The following PLXNA4 variants were observed in gnomAD, a reference collection of about 807,000 sequenced individuals.
PLXNA4 encodes plexin-A4.
Under a neutral mutation model 191.8 loss-of-function variants are expected in PLXNA4, and 44 were observed. The observed-to-expected ratio is 0.23, with a 90% CI of 0.18 to 0.29. PLXNA4 has a LOEUF of 0.29. PLXNA4 is among the 10% of genes least tolerant of loss of function. The pLI is 1.00. For synonymous variants in PLXNA4, 1,082 were observed against 1,009.5 expected, an observed-to-expected ratio of 1.07 and a Z score of -1.36; for missense variants, 1,800 against 2,488.8, an observed-to-expected ratio of 0.72 and a Z score of 5.89.
At chr7:132,132,057 C>T (rs540110048) in intron 31 of PLXNA4, among the ~76,000 whole-genome samples, 1 of 152,376 alleles carries the variant, frequency 6.6e-6, no homozygotes, top group African/African-American at 2.4e-5. Context: ...GGCTATGCTG[C>T]TGCTCAGATG....
chr7:132,546,463 AG>A (rs2116538766), intron 1 of PLXNA4, among the ~76,000 whole-genome samples: 1 of 152,298 alleles, frequency 6.6e-6, no homozygotes, highest in African/African-American at 2.4e-5. Flanking sequence ...CTCTGGTGAA[AG>A]CCATTTGTAA....
chr7:132,615,402 T>C (rs756812442), intron 2 of PLXNA4, among the ~76,000 whole-genome samples: 66 of 152,160 alleles, frequency 4.3e-4, no homozygotes, highest in Non-Finnish European at 8.4e-4. Context: ...CCCCCGCCCC[T>C]GGCGGAGGGG....
chr7:132,507,877 C>T lies in PLXNA4; in HGVS notation c.817G>A (p.Glu273Lys). 6.2e-7 allele frequency: 1 copy of T among 1,614,142 alleles called. No homozygotes were observed. The highest frequency in any genetic ancestry group is 8.5e-7 in the Non-Finnish European group (1 of 1,180,034). Residue 273 changes from glutamate (E) to lysine (K), a missense_variant, in exon 2 of 32, where the codon GAG becomes AAG. Physicochemically the swap from Glu to Lys is moderately conservative, Grantham distance 56. This residue lies in a region of PLXNA4 where 1,397 missense variants were observed against 1,880.4 expected (regional missense o/e 0.74). Coordinates refer to ENST00000321063, the MANE Select transcript of PLXNA4 (RefSeq NM_020911.2). The stretch of plus-strand genomic sequence containing the variant: ...ACGAGCTTGGATGTATACACCTGCT[C>T]CTTGGTGGTGGAGCCTGGTGGAGAC... ...MVSPPGSTTK[E>K]QVYTSKLVRL...
At chr7:132,491,643 A>AG (rs1797806596) in intron 2 of PLXNA4, among the ~76,000 whole-genome samples, 1 of 151,670 alleles carries the variant, frequency 6.6e-6, no homozygotes, top group African/African-American at 2.4e-5. Context: ...AAAGAAAAAA[A>AG]AAAAGAAAAA....
intron 1 of PLXNA4, among the ~76,000 whole-genome samples, chr7:132,555,056 A>AACAAAAAAAAAAAC (rs1800736220): frequency 6.7e-6 from 1 of 150,316 alleles, no homozygotes; most frequent in African/African-American, 2.5e-5. Context: ...AAAAAAAAAA[A>AACAAAAAAAAAAAC]CAAAAAAAAA....
intron 3 of PLXNA4, among the ~76,000 whole-genome samples, chr7:132,487,590 A>G (rs1015104034): frequency 1.3e-5 from 2 of 152,208 alleles, no homozygotes; most frequent in African/African-American, 4.8e-5. Context: ...GTCAGACACA[A>G]TTTCAGAGTT....
intron 2 of PLXNA4, among the ~76,000 whole-genome samples, chr7:132,490,220 T>C (rs1214052045): frequency 6.6e-6 from 1 of 152,154 alleles, no homozygotes; most frequent in Non-Finnish European, 1.5e-5. Context: ...CTTCCCAAAG[T>C]GCCATCCATG....
chr7:132,199,288 C>A (rs981491001), intron 12 of PLXNA4, among the ~76,000 whole-genome samples: 2 of 152,174 alleles, frequency 1.3e-5, no homozygotes, highest in African/African-American at 2.4e-5. Context: ...TGTGATAAAA[C>A]CTACAACTGT....
At chr7:132,263,524 C>T (rs1245794474) in intron 4 of PLXNA4, among the ~76,000 whole-genome samples, 1 of 152,210 alleles carries the variant, frequency 6.6e-6, no homozygotes, top group Non-Finnish European at 1.5e-5. Context: ...GTTCTGAGAG[C>T]TTGTCACACT....
rs114363486 is a variant in PLXNA4, at chr7:132,609,331, C to T, written c.-87+36597G>A. ...TGTTTCCAAAATGTGTCCATGGCTGCTTGGAAGTATGTGAGTTGCTCCATC... is the reference window on the plus strand; with the variant it reads ...TGTTTCCAAAATGTGTCCATGGCTGTTTGGAAGTATGTGAGTTGCTCCATC... On this transcript the variant is annotated intron_variant, in intron 2 of 4. Transcript: ENST00000378539. 2.9e-3 allele frequency among the ~76,000 whole-genome samples: 445 copies of T among 152,104 alleles called. 4 individuals are homozygous for T. Among genetic ancestry groups the T allele is most frequent in the African/African-American group, 0.01 (426 of 41,506 alleles).
intron 4 of PLXNA4, among the ~76,000 whole-genome samples, chr7:132,291,132 C>T (rs533659493): frequency 1.2e-4 from 19 of 152,210 alleles, no homozygotes; most frequent in Admixed American, 4.6e-4. Context: ...CCTGGCAGCC[C>T]GTCCGGTGTC....
intron 3 of PLXNA4, among the ~76,000 whole-genome samples, chr7:132,420,448 T>C (rs980077097): frequency 3.3e-5 from 5 of 152,186 alleles, no homozygotes; most frequent in Non-Finnish European, 5.9e-5. Flanking sequence ...CCTTGGTACC[T>C]AGCCTCAGGC....
intron 3 of PLXNA4, among the ~76,000 whole-genome samples, chr7:132,407,771 T>A (rs1268891052): frequency 6.6e-6 from 1 of 152,234 alleles, no homozygotes; most frequent in Non-Finnish European, 1.5e-5. Flanking sequence ...TAAATGAAAC[T>A]GTTTATTCAT....
intron 28 of PLXNA4, among the ~76,000 whole-genome samples, chr7:132,145,742 T>C (rs1795407507): frequency 6.6e-6 from 1 of 151,862 alleles, no homozygotes; most frequent in African/African-American, 2.4e-5. Context: ...AGACTAGCAC[T>C]GCAGGCAAGC....
intron 3 of PLXNA4, chr7:132,352,273 C>G (rs921860783): frequency 3.3e-5 from 5 of 152,608 alleles, no homozygotes; most frequent in African/African-American, 9.6e-5. Flanking sequence ...GCAGGCCCCC[C>G]TCTCGCCTAC....
At chr7:132,287,469 C>A (rs1313851565) in intron 4 of PLXNA4, among the ~76,000 whole-genome samples, 3 of 152,138 alleles carry the variant, frequency 2.0e-5, no homozygotes, top group Non-Finnish European at 4.4e-5. Flanking sequence ...ACATAAAAAA[C>A]CAAAGCATGA....
At chr7:132,575,872 T>C (rs550947042) in intron 1 of PLXNA4, among the ~76,000 whole-genome samples, 1 of 152,286 alleles carries the variant, frequency 6.6e-6, no homozygotes, top group South Asian at 2.1e-4. Flanking sequence ...CCCAACCGCC[T>C]ATCTGGCCTC....
chr7:132,213,428 G>A (rs550276802), intron 9 of PLXNA4, among the ~76,000 whole-genome samples: 8 of 152,302 alleles, frequency 5.3e-5, no homozygotes, highest in African/African-American at 1.9e-4. Flanking sequence ...GCAGGCAGGC[G>A]GGCCAGCAGG....
chr7:132,543,954 A>G (rs940512691), intron 1 of PLXNA4, among the ~76,000 whole-genome samples: 1 of 152,252 alleles, frequency 6.6e-6, no homozygotes, highest in Non-Finnish European at 1.5e-5. Flanking sequence ...TGGGAAGTAC[A>G]GGGTTATTTC....
Sources: gnomAD v4.1 joint callset for allele counts (sites outside exome capture counted in the v4.1 genomes callset) on GRCh38, gnomAD v4.1.1 for gene constraint, gnomAD v4.1.1 regional missense constraint, MANE v1.5 for transcripts, NCBI Gene and HGNC (gene_info 2026-07-23, HGNC 2026-07-21) for gene names.